Variants in METTL15 observed in about 807,000 individuals in gnomAD.
The protein encoded by METTL15 is 12S rRNA N(4)-cytidine methyltransferase METTL15.
A neutral mutation model predicts 38.3 loss-of-function variants in METTL15; 34 were observed. The observed-to-expected ratio is 0.89, with a 90% confidence interval of 0.68 to 1.18. METTL15 has a LOEUF of 1.18. Among genes scored for constraint, METTL15 ranks in the 50% most tolerant of loss-of-function variants. The pLI is 0.00. For missense variants in METTL15, 438 were observed against 498.4 expected, an observed-to-expected ratio of 0.88 and a Z score of 1.15; for synonymous variants, 162 against 170.9, an observed-to-expected ratio of 0.95 and a Z score of 0.41.
intron 6 of METTL15, among the ~76,000 whole-genome samples, chr11:28,435,946 C>T (rs1239689181): frequency 1.3e-5 from 2 of 152,166 alleles, no homozygotes; most frequent in Non-Finnish European, 2.9e-5. Flanking sequence ...TATGTCCCTC[C>T]CGGAAAATCA....
intron 6 of METTL15, among the ~76,000 whole-genome samples, chr11:28,300,980 C>T (rs1044734093): frequency 1.3e-5 from 2 of 152,022 alleles, no homozygotes; most frequent in African/African-American, 2.4e-5. Flanking sequence ...CATTGTATTC[C>T]GGTGAAGACG....
intron 5 of METTL15, among the ~76,000 whole-genome samples, chr11:28,391,546 G>A (rs7948376): frequency 0.055 from 8,355 of 152,084 alleles, 401 homozygotes; most frequent in African/African-American, 0.13. Flanking sequence ...GAGGCATCAC[G>A]CTACCTGACT....
intron 6 of METTL15, among the ~76,000 whole-genome samples, chr11:28,299,236 G>A (rs1856836572): frequency 6.6e-6 from 1 of 152,048 alleles, no homozygotes; most frequent in African/African-American, 2.4e-5. Flanking sequence ...ATAAGTTCTG[G>A]TTATAGTTTT....
At chr11:28,439,603 C>A (rs764442453) in intron 6 of METTL15, among the ~76,000 whole-genome samples, 4 of 152,054 alleles carry the variant, frequency 2.6e-5, no homozygotes, top group Admixed American at 1.3e-4. Context: ...GGGCCCAATG[C>A]GGGGTGGAGG....
chr11:28,137,567 T>A (rs960493972), intron 3 of METTL15, among the ~76,000 whole-genome samples: 1 of 152,180 alleles, frequency 6.6e-6, no homozygotes, highest in Non-Finnish European at 1.5e-5. Flanking sequence ...CCATATGTCC[T>A]CAAGCCTTAT....
chr11:28,194,174 T>TTC (rs1191633285), intron 3 of METTL15, among the ~76,000 whole-genome samples: 1,353 of 53,318 alleles, frequency 0.025, 7 homozygotes, highest in Non-Finnish European at 0.032. Context: ...CTTTCTTTCT[T>TTC]TTTCTCTCTC....
chr11:28,518,637 T>G (rs758823237), intron 6 of METTL15, among the ~76,000 whole-genome samples: 8 of 152,180 alleles, frequency 5.3e-5, no homozygotes, highest in Non-Finnish European at 1.0e-4. Context: ...GTGAAGTAAG[T>G]AAGGAAAATT....
chr11:28,408,568 C>T (rs1850696809), intron 5 of METTL15, among the ~76,000 whole-genome samples: 1 of 151,938 alleles, frequency 6.6e-6, no homozygotes, highest in Non-Finnish European at 1.5e-5. Flanking sequence ...TTGGAAAAGA[C>T]ATAATATGTA....
At chr11:28,365,102 A>G (rs1850173235) in intron 5 of METTL15, among the ~76,000 whole-genome samples, 1 of 152,048 alleles carries the variant, frequency 6.6e-6, no homozygotes, top group Non-Finnish European at 1.5e-5. Context: ...GGATTTTTAT[A>G]TATCTATTTT....
At chr11:28,322,865 T>TC (rs368828199) in intron 6 of METTL15, among the ~76,000 whole-genome samples, 75 of 152,340 alleles carry the variant, frequency 4.9e-4, no homozygotes, top group African/African-American at 1.7e-3. Context: ...ACTTCTATCT[T>TC]ATTTACTATT....
chr11:28,477,739 T>G (rs1345028941), intron 6 of METTL15, among the ~76,000 whole-genome samples: 3 of 152,220 alleles, frequency 2.0e-5, no homozygotes, highest in Non-Finnish European at 4.4e-5. Flanking sequence ...GAGTCAATCT[T>G]GAGGCCGTTA....
chr11:28,260,073 A>G (rs900193019), intron 4 of METTL15, among the ~76,000 whole-genome samples: 104 of 152,278 alleles, frequency 6.8e-4, no homozygotes, highest in African/African-American at 2.4e-3. Context: ...AAAGTCTTCT[A>G]ATTTTTCTGT....
intron 6 of METTL15, among the ~76,000 whole-genome samples, chr11:28,524,588 T>C (rs1851793626): frequency 6.6e-6 from 1 of 152,194 alleles, no homozygotes. Flanking sequence ...GAGTAATTAC[T>C]TAGTGTGAAG....
chr11:28,401,643 C>A (rs560472135), intron 5 of METTL15, among the ~76,000 whole-genome samples: 1 of 151,998 alleles, frequency 6.6e-6, no homozygotes, highest in East Asian at 1.9e-4. Context: ...CTTCAGAGTG[C>A]ACAGCAGACC....
chr11:28,409,181 G>A (rs1031739945), intron 5 of METTL15, among the ~76,000 whole-genome samples: 11 of 151,916 alleles, frequency 7.2e-5, no homozygotes, highest in Non-Finnish European at 1.5e-4. Flanking sequence ...TGGAGATCGA[G>A]ACCATCCTGG....
At chr11:28,388,190 T>C (rs189038199) in intron 5 of METTL15, among the ~76,000 whole-genome samples, 151 of 152,176 alleles carry the variant, frequency 9.9e-4, no homozygotes, top group African/African-American at 1.9e-3. Context: ...CTATTCAATA[T>C]AGTGCTGGAA....
At chr11:28,370,290 A>G (rs1343360462) in intron 5 of METTL15, among the ~76,000 whole-genome samples, 1 of 140,758 alleles carries the variant, frequency 7.1e-6, no homozygotes, top group Non-Finnish European at 1.6e-5. Context: ...TAGCTCTCAT[A>G]TATGAGTGAG....
chr11:28,268,268 C>G (rs1190161959), intron 4 of METTL15, among the ~76,000 whole-genome samples: 1 of 141,382 alleles, frequency 7.1e-6, no homozygotes, highest in Non-Finnish European at 1.5e-5. Context: ...TTGTATAATA[C>G]TAGAATTTAA....
chr11:28,283,108 G>A (rs1317021465), intron 4 of METTL15, among the ~76,000 whole-genome samples: 1 of 152,088 alleles, frequency 6.6e-6, no homozygotes, highest in Non-Finnish European at 1.5e-5. Flanking sequence ...AATACTATTG[G>A]TTAGGCTGGA....
Sources: allele counts gnomAD v4.1 joint callset (sites outside exome capture counted in the v4.1 genomes callset), GRCh38; gene constraint gnomAD v4.1.1; transcripts MANE v1.5; gene names NCBI Gene and HGNC (gene_info 2026-07-23, HGNC 2026-07-21).